The following DCUN1D3 variants were observed in gnomAD, a reference collection of about 807,000 sequenced individuals.
DCUN1D3 encodes defective in cullin neddylation 1 domain containing 3, also known as DCN1-like protein 3.
Under a neutral mutation model 24.8 loss-of-function variants are expected in DCUN1D3, and 6 were observed. The observed-to-expected ratio is 0.24, with a 90% CI of 0.13 to 0.48. The LOEUF (loss-of-function observed/expected upper bound fraction) is 0.48. DCUN1D3 is among the 20% of genes least tolerant of loss of function. The pLI is 0.99. For missense variants in DCUN1D3, 258 were observed against 379.4 expected (o/e 0.68, Z 2.66); for synonymous variants, 120 against 144.9 (o/e 0.83, Z 1.24).
At chr16:20,883,461 C>T (rs1472281043) in intron 1 of DCUN1D3, among the ~76,000 whole-genome samples, 1 of 151,918 alleles carries the variant, frequency 6.6e-6, no homozygotes, top group African/African-American at 2.4e-5. Flanking sequence ...TGCAGTGAGC[C>T]GAGGTCGAGC....
chr16:20,864,822 G>C (rs542967225), intron 1 of DCUN1D3, among the ~76,000 whole-genome samples: 4 of 152,150 alleles, frequency 2.6e-5, no homozygotes, highest in African/African-American at 9.7e-5. Flanking sequence ...AAAAAAGAAC[G>C]AGATCATGTC....
At chr16:20,871,258 T>G (rs1331548021) in intron 1 of DCUN1D3, among the ~76,000 whole-genome samples, 1 of 152,124 alleles carries the variant, frequency 6.6e-6, no homozygotes, top group Non-Finnish European at 1.5e-5. Context: ...CTTTTTGTCC[T>G]AAAATGTACA....
chr16:20,887,139 C>A (rs1327187121), intron 1 of DCUN1D3, among the ~76,000 whole-genome samples: 1 of 152,000 alleles, frequency 6.6e-6, no homozygotes, highest in Admixed American at 6.6e-5. Flanking sequence ...CATGGTGCAA[C>A]CCTGTTACAA....
chr16:20,900,228 C>G lies in DCUN1D3; in HGVS notation c.-130G>C, dbSNP rs916594139. The G allele has an allele frequency of 9.4e-5, 14 of 148,228 alleles. No homozygotes were observed. The highest frequency in any genetic ancestry group is 5.0e-5 in the African/African-American group (2 of 40,284). The allele number at this position is 148,228 out of a possible 1,614,324, so 9.2% of individuals were successfully genotyped here. A position where few individuals can be genotyped will look rare whatever the true frequency, so the allele number is the denominator to read the frequency against. On this transcript the variant is annotated 5_prime_UTR_variant, in exon 1 of 3. Coordinates refer to ENST00000324344, the MANE Select transcript of DCUN1D3 (RefSeq NM_173475.4). ...CAGCTGCTCCAGAGGTTCCTCCAGT[C>G]AAACCCTTTCTGGAAACGACGGCGG...
At chr16:20,881,245 A>C (rs1213804638) in intron 1 of DCUN1D3, among the ~76,000 whole-genome samples, 1 of 152,186 alleles carries the variant, frequency 6.6e-6, no homozygotes, top group African/African-American at 2.4e-5. Flanking sequence ...CTCTACAAAA[A>C]AATTTAAAAC....
intron 1 of DCUN1D3, among the ~76,000 whole-genome samples, chr16:20,865,162 T>G (rs963752336): frequency 2.7e-5 from 4 of 147,298 alleles, no homozygotes; most frequent in African/African-American, 7.5e-5. Context: ...AAAAAAAAAG[T>G]TACCAAAAAT....
intron 1 of DCUN1D3, among the ~76,000 whole-genome samples, chr16:20,883,235 G>A (rs113779733): frequency 0.02 from 3,015 of 152,284 alleles, 53 homozygotes; most frequent in Non-Finnish European, 0.03. Context: ...TGTTCTGGCC[G>A]GATGCGGTGG....
chr16:20,888,213 A>G (rs1380895293), intron 1 of DCUN1D3, among the ~76,000 whole-genome samples: 2 of 152,202 alleles, frequency 1.3e-5, no homozygotes, highest in Non-Finnish European at 2.9e-5. Context: ...CATGTAGCCA[A>G]TAATAGCTAA....
At chr16:20,883,371 G>A (rs987294390) in intron 1 of DCUN1D3, among the ~76,000 whole-genome samples, 23 of 152,236 alleles carry the variant, frequency 1.5e-4, no homozygotes, top group African/African-American at 5.3e-4. Context: ...CATTTAGCCG[G>A]GCATGGTGGC....
chr16:20,876,433 GAAA>G (rs35457469), intron 1 of DCUN1D3, among the ~76,000 whole-genome samples: 1 of 140,208 alleles, frequency 7.1e-6, no homozygotes, highest in East Asian at 2.1e-4. Context: ...AAATGGTTAT[GAAA>G]AAAAAAAAAA....
intron 1 of DCUN1D3, among the ~76,000 whole-genome samples, chr16:20,894,772 T>A (rs2081907890): frequency 1.3e-5 from 2 of 152,230 alleles, no homozygotes; most frequent in South Asian, 4.1e-4. Context: ...CAAGACTGAT[T>A]TACTAAGCTT....
intron 1 of DCUN1D3, among the ~76,000 whole-genome samples, chr16:20,871,380 G>C (rs956405819): frequency 1.3e-5 from 2 of 152,158 alleles, no homozygotes; most frequent in Admixed American, 6.5e-5. Flanking sequence ...AGGGAGAAAG[G>C]GGGTAGGGAG....
chr16:20,869,097 G>C (rs1486016952), intron 1 of DCUN1D3: 2 of 152,760 alleles, frequency 1.3e-5, no homozygotes, highest in African/African-American at 4.8e-5. Context: ...CCTAGGCCTG[G>C]AGCGGCCACT....
At chr16:20,866,233 G>C (rs1215838698) in intron 1 of DCUN1D3, among the ~76,000 whole-genome samples, 3 of 152,186 alleles carry the variant, frequency 2.0e-5, no homozygotes, top group Non-Finnish European at 4.4e-5. Context: ...CTGGTTTCCA[G>C]ATTTGTGTTC....
intron 1 of DCUN1D3, among the ~76,000 whole-genome samples, chr16:20,885,132 T>C (rs1349044550): frequency 1.3e-5 from 2 of 151,982 alleles, no homozygotes; most frequent in African/African-American, 2.4e-5. Context: ...CCCGCCACCA[T>C]ACTCGGCTAA....
intron 1 of DCUN1D3, among the ~76,000 whole-genome samples, chr16:20,873,408 C>T (rs576599740): frequency 6.6e-6 from 1 of 152,168 alleles, no homozygotes; most frequent in Non-Finnish European, 1.5e-5. Flanking sequence ...GTAGAAGGGT[C>T]TGGCCCATGG....
At chr16:20,882,653 C>A (rs992404557) in intron 1 of DCUN1D3, among the ~76,000 whole-genome samples, 7 of 152,176 alleles carry the variant, frequency 4.6e-5, no homozygotes, top group African/African-American at 1.7e-4. Flanking sequence ...TCCTTAAGAG[C>A]AAGATCTACA....
At chr16:20,878,709 C>T (rs1596635496) in intron 1 of DCUN1D3, among the ~76,000 whole-genome samples, 1 of 152,224 alleles carries the variant, frequency 6.6e-6, no homozygotes, top group Admixed American at 6.5e-5. Flanking sequence ...GCCAGTGTTA[C>T]ACCTCTTGAG....
At chr16:20,866,775 G>T (rs199513072) in intron 1 of DCUN1D3, among the ~76,000 whole-genome samples, 2 of 152,182 alleles carry the variant, frequency 1.3e-5, no homozygotes, top group East Asian at 1.9e-4. Context: ...GTGTTGAGGC[G>T]AGTGGTGGTC....
Sources: allele counts gnomAD v4.1 joint callset (sites outside exome capture counted in the v4.1 genomes callset), GRCh38; gene constraint gnomAD v4.1.1; transcripts MANE v1.5; gene names NCBI Gene and HGNC (gene_info 2026-07-23, HGNC 2026-07-21).